The following CD44 variants were observed in gnomAD, a reference collection of about 807,000 sequenced individuals.
CD44 encodes the protein CD44 molecule (IN blood group).
In CD44, 49 loss-of-function variants were observed where a neutral mutation model predicts 88.8. The observed-to-expected ratio is 0.55, with a 90% CI of 0.44 to 0.70. The LOEUF is 0.70. CD44 is among the 30% of genes least tolerant of loss of function. CD44 has a pLI of 0.00. For missense variants in CD44, 883 were observed against 913.8 expected, an observed-to-expected ratio of 0.97 and a Z score of 0.43; for synonymous variants, 325 against 312.3, an observed-to-expected ratio of 1.04 and a Z score of -0.43.
At chr11:35,225,127 A>AGCACTTGAACTATGG (rs1565165798) in intron 17 of CD44, among the ~76,000 whole-genome samples, 4 of 122,880 alleles carry the variant, frequency 3.3e-5, no homozygotes, top group Admixed American at 9.4e-5. Context: ...GGCTAGTTCA[A>AGCACTTGAACTATGG]CTGAGGAAGT....
chr11:35,229,314 A>G lies in CD44; in HGVS notation c.2210A>G (p.Asp737Gly). Residue 737 changes from aspartate (D) to glycine (G), a missense_variant, in exon 18 of 18, where the codon GAC (aspartate) becomes GGC (glycine). Coordinates refer to ENST00000428726, the MANE Select transcript of CD44 (RefSeq NM_000610.4). ...GAGACAAGGAACCTGCAGAATGTGG[A>G]CATGAAGATTGGGGTGTAACACCTA... ...ADETRNLQNV[D>G]MKIGV 6.2e-7 allele frequency: 1 copy of G among 1,612,660 alleles called. No homozygotes were observed.
At chr11:35,217,115 TC>T (rs111816449) in intron 15 of CD44, among the ~76,000 whole-genome samples, 23,419 of 152,100 alleles carry the variant, frequency 0.15, 2,056 homozygotes, top group Middle Eastern at 0.23. Context: ...CTATCTCACA[TC>T]CATCTTCTGT....
intron 11 of CD44, among the ~76,000 whole-genome samples, chr11:35,207,867 A>G (rs1230716730): frequency 1.3e-5 from 2 of 152,236 alleles, no homozygotes; most frequent in Non-Finnish European, 2.9e-5. Flanking sequence ...CAGACTCAGC[A>G]AAAACAAACA....
chr11:35,221,407 G>A (rs947980341), intron 16 of CD44, among the ~76,000 whole-genome samples: 1 of 152,138 alleles, frequency 6.6e-6, no homozygotes, highest in Non-Finnish European at 1.5e-5. Context: ...TAGAAACATA[G>A]TTCTCCTGAA....
At chr11:35,149,247 G>C (rs951673340) in intron 1 of CD44, among the ~76,000 whole-genome samples, 4 of 152,100 alleles carry the variant, frequency 2.6e-5, no homozygotes, top group African/African-American at 9.7e-5. Context: ...TGTTTCTTTC[G>C]GTCAATGGTT....
chr11:35,205,691 C>A, intron 10 of CD44: 1 of 573,640 alleles, frequency 1.7e-6, no homozygotes, highest in Non-Finnish European at 2.2e-6. Context: ...TGATTCCTTT[C>A]CTGAGATCAC....
intron 1 of CD44, among the ~76,000 whole-genome samples, chr11:35,140,982 T>C (rs570352668): frequency 1.5e-4 from 22 of 150,088 alleles, no homozygotes; most frequent in Admixed American, 4.6e-4. Flanking sequence ...GATTATGCCA[T>C]TGCACTCCAG....
At chr11:35,161,993 A>G (rs1397504565) in intron 1 of CD44, among the ~76,000 whole-genome samples, 2 of 152,064 alleles carry the variant, frequency 1.3e-5, no homozygotes, top group African/African-American at 4.8e-5. Context: ...ATCCTCTTTT[A>G]TTTTCTGTGT....
At chr11:35,176,431 G>T in intron 1 of CD44, 144 bp from the exon 2 acceptor site, 2 of 604,824 alleles carry the variant, frequency 3.3e-6, no homozygotes, top group South Asian at 2.1e-5. Context: ...ACCCACCTCG[G>T]CCTCCCAAAG....
At chr11:35,218,623 T>G (rs1949034706) in intron 15 of CD44, among the ~76,000 whole-genome samples, 1 of 152,102 alleles carries the variant, frequency 6.6e-6, no homozygotes, top group African/African-American at 2.4e-5. Context: ...AAACTCCTTA[T>G]TTTATAGTGT....
At chr11:35,184,026 G>A (rs137992373) in intron 3 of CD44, among the ~76,000 whole-genome samples, 3 of 152,230 alleles carry the variant, frequency 2.0e-5, no homozygotes, top group African/African-American at 4.8e-5. Flanking sequence ...TGAAGCCAAG[G>A]TTTATGAGAA....
At position 35,208,114 on chromosome 11, in the gene CD44, C is replaced by T. The variant is rs1299290789; in HGVS notation, c.1424C>T (p.Ser475Phe). The T allele has an allele frequency of 6.3e-7, 1 of 1,596,218 alleles. No individual in the cohort carries two copies. Among genetic ancestry groups the T allele is most frequent in the Non-Finnish European group, 8.6e-7 (1 of 1,164,138 alleles). The change falls in exon 12 of 18, where the codon TCC becomes TTC. Residue 475 changes from serine to phenylalanine, a missense_variant. Physicochemically the swap from Ser to Phe is radical, Grantham distance 155 (BLOSUM62 -2). Coordinates refer to ENST00000428726, the MANE Select transcript of CD44 (RefSeq NM_000610.4). ...ATATTGATTCCTTCAGATATGGACTCCAGTCATAGTATAACGCTTCAGCCT... is the reference window on the plus strand; with the variant it reads ...ATATTGATTCCTTCAGATATGGACTTCAGTCATAGTATAACGCTTCAGCCT... Reference protein sequence around the residue: ...HQAGRRMDMDSSHSITLQPTA... With the variant: ...HQAGRRMDMDFSHSITLQPTA...
chr11:35,139,893 C>CAA (rs1439767463), intron 1 of CD44, among the ~76,000 whole-genome samples: 11 of 152,240 alleles, frequency 7.2e-5, no homozygotes, highest in Non-Finnish European at 1.5e-5. Flanking sequence ...CCTGGGTTCT[C>CAA]CCAGCTCCCC....
At chr11:35,225,047 A>G (rs1241310079) in intron 17 of CD44, among the ~76,000 whole-genome samples, 1 of 127,004 alleles carries the variant, frequency 7.9e-6, no homozygotes, top group Non-Finnish European at 1.8e-5. Flanking sequence ...ACTTTCTGTG[A>G]TGATGGAAAT....
intron 5 of CD44, among the ~76,000 whole-genome samples, chr11:35,193,454 G>A (rs181375370): frequency 6.6e-6 from 1 of 152,290 alleles, no homozygotes; most frequent in Admixed American, 6.5e-5. Context: ...TGGACCTTCA[G>A]TAGGTTCAAT....
At chr11:35,196,652 C>T (rs934443516) in intron 5 of CD44, 94 bp from the exon 6 acceptor site, 1 of 1,316,256 alleles carries the variant, frequency 7.6e-7, no homozygotes, top group African/African-American at 1.5e-5. Flanking sequence ...AGATGATTCT[C>T]TTGAGTAGTA....
chr11:35,176,635 G>T lies in CD44; in HGVS notation c.128G>T (p.Ser43Ile). Residue 43 changes from serine to isoleucine, a missense_variant, in exon 2 of 18, where the codon AGC becomes ATC. Coordinates refer to ENST00000428726, the MANE Select transcript of CD44 (RefSeq NM_000610.4). Reference sequence around the variant, plus strand: ...CACGTGGAGAAAAATGGTCGCTACAGCATCTCTCGGACGGAGGCCGCTGAC... The same window carrying T: ...CACGTGGAGAAAAATGGTCGCTACATCATCTCTCGGACGGAGGCCGCTGAC... ...VFHVEKNGRY[S>I]ISRTEAADLC... is the part of the protein sequence containing the mutation. 1 of 1,614,218 alleles carries T rather than the reference G, an allele frequency of 6.2e-7. No homozygotes were observed.
intron 4 of CD44, among the ~76,000 whole-genome samples, chr11:35,187,685 G>A (rs1945820489): frequency 6.6e-6 from 1 of 152,152 alleles, no homozygotes; most frequent in Admixed American, 6.5e-5. Flanking sequence ...CTTATAAAGA[G>A]GGATTAATAA....
chr11:35,201,725 A>G lies in CD44; in HGVS notation c.1091A>G (p.His364Arg). Residue 364 changes from histidine (H) to arginine (R), a missense_variant, in exon 9 of 18, where the codon CAC becomes CGC. By Grantham distance (29) the His-to-Arg change is conservative (BLOSUM62 0). Around this residue, in one of 2 missense-constraint regions of CD44, gnomAD observed 631 missense variants for 590.9 expected, o/e 1.07. Coordinates refer to ENST00000428726, the MANE Select transcript of CD44 (RefSeq NM_000610.4). ...GAAGGAAACTGGAACCCAGAAGCAC[A>G]CCCTCCCCTCATTCACCATGAGCAT... ...AYEGNWNPEA[H>R]PPLIHHEHHE... is the part of the protein sequence containing the mutation. 3 of 1,613,588 alleles carry G rather than the reference A, an allele frequency of 1.9e-6. No individual in the cohort carries two copies. The highest frequency in any genetic ancestry group is 2.5e-6 in the Non-Finnish European group (3 of 1,179,646).
Sources: gnomAD v4.1 joint callset for allele counts (sites outside exome capture counted in the v4.1 genomes callset) on GRCh38, gnomAD v4.1.1 for gene constraint, gnomAD v4.1.1 regional missense constraint, MANE v1.5 for transcripts, NCBI Gene and HGNC (gene_info 2026-07-23, HGNC 2026-07-21) for gene names.